The following PHLDB3 variants were observed in gnomAD, a reference collection of about 807,000 sequenced individuals.
The protein encoded by PHLDB3 is pleckstrin homology-like domain family B member 3.
PHLDB3 carries 86 observed loss-of-function variants against 85.7 expected under a neutral mutation model. That is an observed-to-expected ratio of 1.00 (90% confidence interval 0.84 to 1.20). The LOEUF is 1.20. Ranked by LOEUF, PHLDB3 falls within the 50% of genes most tolerant of loss-of-function variation. PHLDB3 has a pLI of 0.00. For synonymous variants in PHLDB3, 376 were observed against 349.8 expected (o/e 1.07, Z -0.83); for missense variants, 995 against 873.0 (o/e 1.14, Z -1.76).
At chr19:43,496,938 T>A (rs916177283) in intron 6 of PHLDB3, 180 bp downstream of exon 6, 1 of 933,846 alleles carries the variant, frequency 1.1e-6, no homozygotes, top group African/African-American at 1.7e-5. Flanking sequence ...GAGGAAATGC[T>A]CATGAAATAT....
rs754037425 is a variant in PHLDB3 at position 43,486,626 on chromosome 19, G to T, written c.1411C>A (p.Arg471=). 1 of 1,613,514 alleles carries T rather than the reference G, an allele frequency of 6.2e-7. No individual in the cohort carries two copies. The highest frequency in any genetic ancestry group is 8.5e-7 in the Non-Finnish European group (1 of 1,179,752). Residue 471 remains arginine (R), a synonymous_variant, in exon 12 of 16, where the codon CGG becomes AGG. Transcript: ENST00000292140. ...LLQQAMAERE[R]LLKAREGTRR... is the part of the protein sequence containing the mutation. ...GCTCTCACCCGGGCCTTGAGCAGCC[G>T]CTCCCTCTCCGCCATGGCCTGCTGC...
At position 43,475,411 on chromosome 19, in the gene PHLDB3, CA is replaced by C. The variant is rs755186121; in HGVS notation, c.1921del (p.Ter641GlufsTer52). On this transcript the variant is annotated frameshift_variant and stop_lost, in exon 16 of 16. Coordinates refer to ENST00000292140, the MANE Select transcript of PHLDB3 (RefSeq NM_198850.4). LOFTEE classifies it high-confidence loss of function. ...VTAADENHAP* is the reference protein window; with the variant it reads ...VTAADENHAPX ...TTCCCCCCAAGAGGGCGGGGCCACT[CA>C]GGGGGCGTGGTTTTCGTCAGCGGCG... The C allele has an allele frequency of 1.2e-6, 2 of 1,613,764 alleles. No homozygotes were observed. The highest frequency in any genetic ancestry group is 2.2e-5 in the East Asian group (1 of 44,868).
chr19:43,486,178 A>G, intron 13 of PHLDB3, 88 bp downstream of exon 13: 1 of 1,404,344 alleles, frequency 7.1e-7, no homozygotes, highest in Admixed American at 2.8e-5. Flanking sequence ...ATTGGAGGAG[A>G]GGAAAGGGTC....
chr19:43,475,696 A>G (rs1432581683), intron 15 of PHLDB3, among the ~76,000 whole-genome samples, 152 bp from the exon 16 acceptor site: 1 of 152,170 alleles, frequency 6.6e-6, no homozygotes, highest in Non-Finnish European at 1.5e-5. Flanking sequence ...AAATGATGCC[A>G]CCTACCTCAC....
chr19:43,475,291 C>T lies in PHLDB3; in HGVS notation c.*119G>A, dbSNP rs1453108246. On this transcript the variant is annotated 3_prime_UTR_variant, in exon 16 of 16. Coordinates refer to ENST00000292140, the MANE Select transcript of PHLDB3 (RefSeq NM_198850.4). ...TGAACTGCCGCGCCTGCGGAATTCC[C>T]GGGAGAGTTCCAAAGCGGTGCGTCC... is the stretch of plus-strand genomic sequence containing the variant. 21 of 1,374,596 alleles carry T rather than the reference C, an allele frequency of 1.5e-5. No homozygotes were observed. The highest frequency in any genetic ancestry group is 8.5e-5 in the South Asian group (6 of 70,456). 85.1% of individuals were successfully genotyped at this position (1,374,596 alleles called of 1,614,324 possible).
At position 43,502,144 on chromosome 19, in the gene PHLDB3, C is replaced by T; in HGVS notation, c.353G>A (p.Arg118Gln). Reference sequence around the variant, plus strand: ...CCTCTGGCGCTGTAGCTCCTTCACTCGCTGCTCCATCAGGGCCACACGAGT... The same window carrying T: ...CCTCTGGCGCTGTAGCTCCTTCACTTGCTGCTCCATCAGGGCCACACGAGT... Reference protein sequence around the residue: ...ALTRVALMEQRVKELQRQRKE... With the variant: ...ALTRVALMEQQVKELQRQRKE... The change falls in exon 3 of 16, where the codon CGA becomes CAA. Residue 118 changes from arginine (R) to glutamine (Q), a missense_variant. Physicochemically the swap from Arg to Gln is conservative, Grantham distance 43. Coordinates refer to ENST00000292140, the MANE Select transcript of PHLDB3 (RefSeq NM_198850.4). 6.3e-7 allele frequency: 1 copy of T among 1,581,012 alleles called. No homozygotes were observed. Among genetic ancestry groups the T allele is most frequent in the Non-Finnish European group, 8.6e-7 (1 of 1,164,144 alleles).
At chr19:43,490,422 G>C (rs915167759) in intron 9 of PHLDB3, among the ~76,000 whole-genome samples, 3 of 151,998 alleles carry the variant, frequency 2.0e-5, no homozygotes, top group South Asian at 2.1e-4. Context: ...TTAGCCTGGC[G>C]CATGTCTGTA....
In PHLDB3 at chr19:43,487,136, A is replaced by C. The variant is rs1428736354; in HGVS notation, c.1150-13T>G. 2 of 1,552,098 alleles carry C rather than the reference A, an allele frequency of 1.3e-6. No homozygotes were observed. Among genetic ancestry groups the C allele is most frequent in the Non-Finnish European group, 8.7e-7 (1 of 1,146,648 alleles). On this transcript the variant is annotated splice_polypyrimidine_tract_variant and intron_variant, in intron 9 of 15. Coordinates refer to ENST00000292140, the MANE Select transcript of PHLDB3 (RefSeq NM_198850.4). ...GGCCAATGGAGCCCTGAAAACACAA[A>C]AGGCTCATGAGCATAGGAAAAAGGC... is the stretch of plus-strand genomic sequence containing the variant.
At chr19:43,478,004 G>C in intron 15 of PHLDB3, 43 bp downstream of exon 15, 4 of 1,516,546 alleles carry the variant, frequency 2.6e-6, no homozygotes, top group Non-Finnish European at 3.7e-6. Flanking sequence ...GACTCCAACT[G>C]AGTCTCCAAC....
chr19:43,486,474 C>T, intron 12 of PHLDB3, 135 bp downstream of exon 12: 2 of 1,291,986 alleles, frequency 1.5e-6, no homozygotes, highest in Non-Finnish European at 2.1e-6. Flanking sequence ...GGCCTGGACT[C>T]CTGGGTCTGA....
At chr19:43,501,007 T>C (rs1945495103) in intron 4 of PHLDB3, among the ~76,000 whole-genome samples, 1 of 149,318 alleles carries the variant, frequency 6.7e-6, no homozygotes, top group Non-Finnish European at 1.5e-5. Flanking sequence ...TCTAAACATA[T>C]GTACAGACCA....
At chr19:43,497,669 A>T in intron 5 of PHLDB3, 79 bp downstream of exon 5, 1 of 1,435,272 alleles carries the variant, frequency 7.0e-7, no homozygotes. Flanking sequence ...CCGAGATCGC[A>T]CCACTGCACT....
intron 9 of PHLDB3, among the ~76,000 whole-genome samples, chr19:43,487,491 C>T (rs866483921): frequency 2.1e-5 from 3 of 145,520 alleles, no homozygotes; most frequent in Non-Finnish European, 4.5e-5. Context: ...AGAAGAATCG[C>T]TTGAACCCGG....
Position 43,504,148 on chromosome 19 carries a change from G to A in PHLDB3, c.-14-16C>T. The A allele has an allele frequency of 6.4e-7, 1 of 1,553,582 alleles. No homozygotes were observed. The highest frequency in any genetic ancestry group is 8.7e-7 in the Non-Finnish European group (1 of 1,151,514). ...GCTGGGACTCCTGCGGGGTGGGCGG[G>A]ACCAGAAGCTCCGGGGGCGGGGCCT... On this transcript the variant is annotated splice_polypyrimidine_tract_variant and intron_variant, in intron 1 of 15. Coordinates refer to ENST00000292140, the MANE Select transcript of PHLDB3 (RefSeq NM_198850.4).
chr19:43,499,573 C>G (rs898969341), intron 4 of PHLDB3, among the ~76,000 whole-genome samples: 3 of 151,966 alleles, frequency 2.0e-5, no homozygotes, highest in African/African-American at 7.3e-5. Flanking sequence ...AATATGTGAT[C>G]TTTGAGGATA....
At chr19:43,497,339 G>A in intron 5 of PHLDB3, 60 bp from the exon 6 acceptor site, 1 of 1,260,950 alleles carries the variant, frequency 7.9e-7, no homozygotes, top group East Asian at 3.0e-5. Flanking sequence ...AGGGAGTAGT[G>A]GGCTGGGGCT....
intron 13 of PHLDB3, 103 bp downstream of exon 13, chr19:43,486,163 G>C: frequency 2.1e-6 from 3 of 1,404,676 alleles, no homozygotes; most frequent in South Asian, 1.6e-5. Context: ...ACAATTTTCT[G>C]TTCAATTGGA....
chr19:43,486,137 C>T (rs1266419303), intron 13 of PHLDB3, 129 bp downstream of exon 13: 4 of 1,409,372 alleles, frequency 2.8e-6, no homozygotes, highest in Non-Finnish European at 2.8e-6. Context: ...GTTCCCTTTC[C>T]CTTGCCAAGC....
chr19:43,501,981 TGGAG>T (rs1261952187), intron 3 of PHLDB3, 110 bp from the exon 4 acceptor site: 8 of 1,483,986 alleles, frequency 5.4e-6, no homozygotes, highest in Non-Finnish European at 7.2e-6. Flanking sequence ...GACCTGAATT[TGGAG>T]GGAGGAAGAG....
Sources: allele counts gnomAD v4.1 joint callset (sites outside exome capture counted in the v4.1 genomes callset), GRCh38; gene constraint gnomAD v4.1.1; transcripts MANE v1.5; gene names NCBI Gene and HGNC (gene_info 2026-07-23, HGNC 2026-07-21).